The following ADHFE1 variants were observed in gnomAD, a reference collection of about 807,000 sequenced individuals.
ADHFE1 encodes the protein hydroxyacid-oxoacid transhydrogenase, mitochondrial.
Under a neutral mutation model 54.8 loss-of-function variants are expected in ADHFE1, and 37 were observed. The observed-to-expected ratio is 0.68, with a 90% CI of 0.52 to 0.89. The LOEUF is 0.89. Ranked by LOEUF, ADHFE1 falls within the 40% of genes least tolerant of loss-of-function variation. The pLI is 0.00. For synonymous variants in ADHFE1, 203 were observed against 229.3 expected (o/e 0.89, Z 1.04); for missense variants, 601 against 591.2 (o/e 1.02, Z -0.17).
intron 12 of ADHFE1, among the ~76,000 whole-genome samples, chr8:66,458,365 C>T (rs1039565334): frequency 1.3e-5 from 2 of 152,186 alleles, no homozygotes; most frequent in African/African-American, 4.8e-5. Context: ...GTTAATGACA[C>T]AAGCCCAGGG....
At chr8:66,449,733 A>AT (rs1035873741) in intron 8 of ADHFE1, among the ~76,000 whole-genome samples, 1 of 152,164 alleles carries the variant, frequency 6.6e-6, no homozygotes, top group Non-Finnish European at 1.5e-5. Flanking sequence ...GCACATGCAC[A>AT]TTTTTTTCAC....
intron 13 of ADHFE1, among the ~76,000 whole-genome samples, chr8:66,465,026 G>A (rs775093944): frequency 2.0e-5 from 3 of 152,156 alleles, no homozygotes; most frequent in East Asian, 1.9e-4. Flanking sequence ...GTTCATCCAC[G>A]TTGTAGCATG....
chr8:66,434,094 G>A (rs549843654), intron 1 of ADHFE1, among the ~76,000 whole-genome samples: 22 of 152,330 alleles, frequency 1.4e-4, no homozygotes, highest in South Asian at 1.2e-3. Context: ...CTTCATGCAC[G>A]GAGAGGCAGT....
chr8:66,454,315 T>C (rs1278766765), intron 10 of ADHFE1, among the ~76,000 whole-genome samples, 158 bp downstream of exon 10: 3 of 152,230 alleles, frequency 2.0e-5, no homozygotes, highest in Non-Finnish European at 2.9e-5. Context: ...CTTTTTTTCC[T>C]TTTTTCACCA....
rs1440524870 is a variant in ADHFE1, at chr8:66,439,935, T to C, written c.60-227T>C. On this transcript the variant is annotated intron_variant, in intron 1 of 13. Transcript: ENST00000396623. This position sits in a 1 kb window ranked among gnomAD's most constrained non-coding sequence, Gnocchi z 4.4. ...ATAGGAATTGCTAGAGTAAATGAAT[T>C]CGTGAAAGAATGATGCTACAGCGCT... Among the ~76,000 whole-genome samples the C allele has an allele frequency of 6.6e-6, 1 of 152,168 alleles. No individual in the cohort carries two copies. The highest frequency in any genetic ancestry group is 1.5e-5 in the Non-Finnish European group (1 of 68,038).
rs754352024 is a variant in ADHFE1 at position 66,451,940 on chromosome 8, T to C, written c.735-13T>C. ...ACGCTTTCCATCTGTGTACTTTCAA[T>C]ATTTCTTTTTAGCCATGCCCTGGAG... On this transcript the variant is annotated splice_polypyrimidine_tract_variant and intron_variant, in intron 8 of 13. Coordinates refer to ENST00000396623, the MANE Select transcript of ADHFE1 (RefSeq NM_144650.3). 2.4e-5 allele frequency: 39 copies of C among 1,613,012 alleles called. 1 individual carries two copies. The South Asian group carries it at 4.1e-4, about 17-fold the overall frequency.
At position 66,444,710 on chromosome 8, in the gene ADHFE1, G is replaced by A. The variant is rs146952953; in HGVS notation, c.315G>A (p.Thr105=). The A allele has an allele frequency of 1.7e-4, 274 of 1,614,148 alleles. 3 individuals carry two copies. In the African/African-American group the frequency reaches 3.0e-3, roughly 18 times the overall value. ...TAGTGAAGAATGGCATCCCCTTTAC[G>A]GTTTATGATAATGTGAGAGTGGAAC... ...DSLVKNGIPF[T]VYDNVRVEPT... The change falls in exon 5 of 14, where the codon ACG becomes ACA. Residue 105 remains threonine, a synonymous_variant. Transcript: ENST00000396623.
At chr8:66,433,610 T>A (rs1406222752) in intron 1 of ADHFE1, among the ~76,000 whole-genome samples, 1 of 152,226 alleles carries the variant, frequency 6.6e-6, no homozygotes, top group Admixed American at 6.5e-5. Flanking sequence ...TGAACCCAGA[T>A]ACTCTGGCTT....
chr8:66,443,925 G>A (rs558255845), intron 3 of ADHFE1, among the ~76,000 whole-genome samples: 5 of 152,126 alleles, frequency 3.3e-5, no homozygotes, highest in Admixed American at 6.5e-5. Flanking sequence ...TCTCTCACCC[G>A]TAAACTTTAT....
chr8:66,453,946 C>G (rs1429652566), intron 9 of ADHFE1, 113 bp from the exon 10 acceptor site: 3 of 1,532,750 alleles, frequency 2.0e-6, no homozygotes, highest in Non-Finnish European at 2.6e-6. Context: ...ATTTTTCTTC[C>G]TACCGAGTAG....
chr8:66,461,589 T>C (rs995400184), intron 13 of ADHFE1, among the ~76,000 whole-genome samples: 13 of 151,972 alleles, frequency 8.6e-5, no homozygotes, highest in African/African-American at 2.7e-4. Flanking sequence ...CAGTGAACAA[T>C]GTCATGTAAG....
intron 2 of ADHFE1, among the ~76,000 whole-genome samples, chr8:66,442,514 T>C (rs1400838335): frequency 3.3e-5 from 5 of 152,038 alleles, no homozygotes; most frequent in Non-Finnish European, 5.9e-5. Flanking sequence ...GGTTCTACCA[T>C]GTTAGCCAGG....
intron 6 of ADHFE1, 57 bp downstream of exon 6, chr8:66,445,471 G>C (rs1435081675): frequency 4.0e-6 from 6 of 1,496,034 alleles, no homozygotes; most frequent in Non-Finnish European, 5.4e-6. Context: ...TAGATCTTAA[G>C]AAAGATGCAA....
At chr8:66,445,518 T>C (rs1459691199) in intron 6 of ADHFE1, 104 bp downstream of exon 6, 8 of 1,154,186 alleles carry the variant, frequency 6.9e-6, no homozygotes, top group Non-Finnish European at 9.5e-6. Context: ...GAAAGCTTTC[T>C]GGTTTGTTCA....
In ADHFE1 at chr8:66,460,361, A is replaced by T; in HGVS notation, c.1216A>T (p.Thr406Ser). The T allele has an allele frequency of 6.2e-7, 1 of 1,614,220 alleles. No individual in the cohort carries two copies. Among genetic ancestry groups the T allele is most frequent in the South Asian group, 1.1e-5 (1 of 91,086 alleles). The change falls in exon 13 of 14, where the codon ACG becomes TCG. Residue 406 changes from threonine to serine, a missense_variant. Transcript: ENST00000396623. Reference sequence around the variant, plus strand: ...AGATGCAGGGCTGGTGTTGGCAGACACGCTCCGGAAATTCTTATTCGATCT... The same window carrying T: ...AGATGCAGGGCTGGTGTTGGCAGACTCGCTCCGGAAATTCTTATTCGATCT... ...IQDAGLVLAD[T>S]LRKFLFDLDV... is the part of the protein sequence containing the mutation.
At position 66,444,301 on chromosome 8, in the gene ADHFE1, G is replaced by A. The variant is rs1276909855; in HGVS notation, c.145-66G>A. 3.3e-6 allele frequency: 5 copies of A among 1,495,712 alleles called. No individual in the cohort carries two copies. In the East Asian group the frequency reaches 1.1e-4, roughly 34 times the overall value. The allele number at this position is 1,495,712 out of a possible 1,614,324, so 92.7% of individuals were successfully genotyped here. ...TCTAGGCAACAAGAAACCATTTCAGGTTTTTAGAAATGGACTGGCCAACTC... is the reference window on the plus strand; with the variant it reads ...TCTAGGCAACAAGAAACCATTTCAGATTTTTAGAAATGGACTGGCCAACTC... On this transcript the variant is annotated intron_variant, in intron 3 of 13. Transcript: ENST00000396623.
Position 66,460,304 on chromosome 8 carries a change from C to T in ADHFE1, c.1163-4C>T. 6.2e-7 allele frequency: 1 copy of T among 1,613,974 alleles called. No individual in the cohort carries two copies. Among genetic ancestry groups the T allele is most frequent in the Non-Finnish European group, 8.5e-7 (1 of 1,179,990 alleles). The stretch of plus-strand genomic sequence containing the variant: ...CCCTACAGTCAGCACTTTATGTCTT[C>T]TAGGAGCCGACACCCGCACTGCCAG... On this transcript the variant is annotated splice_polypyrimidine_tract_variant and splice_region_variant and intron_variant, in intron 12 of 13. Transcript: ENST00000396623.
chr8:66,435,056 C>A (rs934024379), intron 1 of ADHFE1, among the ~76,000 whole-genome samples: 1 of 152,070 alleles, frequency 6.6e-6, no homozygotes, highest in African/African-American at 2.4e-5. Context: ...ACAAAACAAC[C>A]TAACCACACC....
At chr8:66,442,515 G>T (rs1353382527) in intron 2 of ADHFE1, among the ~76,000 whole-genome samples, 2 of 151,898 alleles carry the variant, frequency 1.3e-5, no homozygotes, top group Non-Finnish European at 2.9e-5. Flanking sequence ...GTTCTACCAT[G>T]TTAGCCAGGA....
Sources: gnomAD v4.1 joint callset for allele counts (sites outside exome capture counted in the v4.1 genomes callset) on GRCh38, gnomAD v4.1.1 for gene constraint, Gnocchi (gnomAD v3.1) non-coding constraint, MANE v1.5 for transcripts, NCBI Gene and HGNC (gene_info 2026-07-23, HGNC 2026-07-21) for gene names.